NDEL1: variants seen among roughly 807,000 people sequenced by gnomAD.
NDEL1 encodes the protein nudE neurodevelopment protein 1 like 1, also known as nuclear distribution protein nudE-like 1.
A neutral mutation model predicts 45.7 loss-of-function variants in NDEL1; 9 were observed. The ratio of observed to expected loss-of-function variants is 0.20; its 90% CI spans 0.12 to 0.34. The LOEUF is 0.34. NDEL1 is among the 10% of genes least tolerant of loss of function. The probability of loss-of-function intolerance (pLI) is 1.00; values close to 1 mark genes in which losing one functional copy is unlikely to be tolerated. For synonymous variants in NDEL1, 133 were observed against 158.6 expected (o/e 0.84, Z 1.21); for missense variants, 306 against 406.2 (o/e 0.75, Z 2.12).
chr17:8,419,250 G>A (rs1239878631), intron 1 of NDEL1, among the ~76,000 whole-genome samples: 1 of 152,060 alleles, frequency 6.6e-6, no homozygotes, highest in Non-Finnish European at 1.5e-5. Context: ...TCTTCCCTTA[G>A]ATTATCAAAG....
At chr17:8,460,228 A>G (rs2151736599) in intron 8 of NDEL1, 68 bp downstream of exon 8, 1 of 1,515,994 alleles carries the variant, frequency 6.6e-7, no homozygotes, top group Admixed American at 2.1e-5. Flanking sequence ...AGTGAGCATA[A>G]TGAAGCCTTG....
rs192344814 is a variant in NDEL1 at position 8,452,065 on chromosome 17, G to A, written c.700+1112G>A. Among the ~76,000 whole-genome samples, 5 of 152,336 alleles carry A rather than the reference G, an allele frequency of 3.3e-5. No homozygotes were observed. In the East Asian group the frequency reaches 9.6e-4, roughly 29 times the overall value. On this transcript the variant is annotated intron_variant, in intron 6 of 8. Transcript: ENST00000334527. ...GATGATATCAGATAAGGTATGTGAA[G>A]GTGCTGTATGGTTGTAAGGTGTTAC...
At chr17:8,472,941 T>A (rs949952643), downstream of NDEL1, among the ~76,000 whole-genome samples, 3 of 152,196 alleles carry the variant, frequency 2.0e-5, no homozygotes, top group Non-Finnish European at 4.4e-5. Context: ...GATCTTCTGA[T>A]ACACTCAAAG....
At chr17:8,446,366 G>A (rs1910077996) in intron 3 of NDEL1, among the ~76,000 whole-genome samples, 1 of 152,178 alleles carries the variant, frequency 6.6e-6, no homozygotes, top group South Asian at 2.1e-4. Context: ...GGTATTTAGT[G>A]TCTGGGGAGT....
At chr17:8,474,097 CG>C (rs1912108405) in intron 3 of NDEL1, 1 of 152,488 alleles carries the variant, frequency 6.6e-6, no homozygotes, top group Non-Finnish European at 1.5e-5. Flanking sequence ...TGGGAGACAG[CG>C]CCCTCAGCAA....
At chr17:8,451,336 T>C (rs2151725498) in intron 6 of NDEL1, among the ~76,000 whole-genome samples, 2 of 152,352 alleles carry the variant, frequency 1.3e-5, no homozygotes, top group Admixed American at 1.3e-4. Context: ...TTTTTTTTTC[T>C]ATTGTGTGCT....
intron 1 of NDEL1, among the ~76,000 whole-genome samples, chr17:8,428,120 T>C (rs947874709): frequency 6.6e-6 from 1 of 152,152 alleles, no homozygotes; most frequent in Admixed American, 6.5e-5. Flanking sequence ...TAGATTAGTC[T>C]GCTTGCTTGT....
At chr17:8,438,619 G>C (rs1026525186) in intron 1 of NDEL1, among the ~76,000 whole-genome samples, 1 of 151,746 alleles carries the variant, frequency 6.6e-6, no homozygotes, top group African/African-American at 2.4e-5. Context: ...GGACTCAAGC[G>C]ATCCTCCCAC....
Position 8,450,943 on chromosome 17 carries a change from T to C in NDEL1, c.690T>C (p.Pro230=). ...GCAAAGGAACGGAGAACACTTTTCC[T>C]TCACCGAAAGGTTTGTAATGTCTTT... is the stretch of plus-strand genomic sequence containing the variant. ...PVGKGTENTF[P]SPKAIPNGFG... Residue 230 remains proline, a synonymous_variant, in exon 6 of 9, where the codon CCT becomes CCC. Transcript: ENST00000334527. The C allele has an allele frequency of 6.2e-7, 1 of 1,609,530 alleles. No homozygotes were observed. Among genetic ancestry groups the C allele is most frequent in the African/African-American group, 1.3e-5 (1 of 74,672 alleles).
chr17:8,443,054 C>T (rs1296623664), intron 1 of NDEL1, among the ~76,000 whole-genome samples: 2 of 152,210 alleles, frequency 1.3e-5, no homozygotes, highest in Non-Finnish European at 2.9e-5. Context: ...GCTGGGATTA[C>T]AGGCATGAGC....
rs1250413257 is a variant in NDEL1, at chr17:8,435,987, C to G, written c.-71C>G. On this transcript the variant is annotated 5_prime_UTR_variant, in exon 1 of 9. Coordinates refer to ENST00000334527, the MANE Select transcript of NDEL1 (RefSeq NM_030808.5). ...GAGCGGCTGGGCGGGCCTGGCCGGG[C>G]CGGCGGAGGGGAGACGTCGGTTGAG... The G allele has an allele frequency of 2.2e-6, 1 of 448,116 alleles. No individual in the cohort carries two copies. 27.8% of individuals were successfully genotyped at this position (448,116 alleles called of 1,614,324 possible).
Position 8,448,061 on chromosome 17 carries a change from T to A in NDEL1, c.390-489T>A, listed in dbSNP as rs1169518988. Among the ~76,000 whole-genome samples the A allele has an allele frequency of 2.6e-5, 4 of 152,198 alleles. No homozygotes were observed. The South Asian group carries it at 6.2e-4, about 24-fold the overall frequency. On this transcript the variant is annotated intron_variant, in intron 4 of 8. Transcript: ENST00000334527. ...ACACCCTATGCAAATGTCTGAGTGG[T>A]TGCAGAAAGCAAAGGGAATAGCTTC...
intron 7 of NDEL1, among the ~76,000 whole-genome samples, chr17:8,455,121 C>T (rs1020377444): frequency 5.3e-5 from 8 of 152,174 alleles, no homozygotes; most frequent in African/African-American, 1.9e-4. Flanking sequence ...TTCCTGTTCC[C>T]CACTCCTGTT....
chr17:8,454,331 G>A (rs1424831944), intron 6 of NDEL1, among the ~76,000 whole-genome samples: 1 of 151,420 alleles, frequency 6.6e-6, no homozygotes, highest in Non-Finnish European at 1.5e-5. Flanking sequence ...AGATTCAAAT[G>A]ACTAGTTACT....
rs111333617 is a variant in NDEL1 at position 8,415,427 on chromosome 17, C to CATTTATTTATTTATTTATTTATTTATTT, written c.-13+2183_-13+2184insTTTATTTATTTATTTATTTATTTATTTA. ...TTTTTTTGCCACTTTATAGTTTTAA[C>CATTTATTTATTTATTTATTTATTTATTT]ATTTATTTATTTATTTATTTATTTA... On this transcript the variant is annotated intron_variant, in intron 1 of 4. Coordinates refer to the NDEL1 transcript ENST00000582812. Among the ~76,000 whole-genome samples the CATTTATTTATTTATTTATTTATTTATTT allele has an allele frequency of 6.4e-4, 95 of 148,146 alleles. 2 individuals carry two copies. The highest frequency in any genetic ancestry group is 2.2e-3 in the African/African-American group (89 of 39,864).
intron 1 of NDEL1, among the ~76,000 whole-genome samples, chr17:8,439,054 G>A (rs915609952): frequency 1.3e-5 from 2 of 149,774 alleles, no homozygotes; most frequent in African/African-American, 4.9e-5. Context: ...CCATTCTCCT[G>A]CCTCAGCCTC....
intron 1 of NDEL1, among the ~76,000 whole-genome samples, chr17:8,417,076 C>T (rs1908561976): frequency 6.6e-6 from 1 of 152,076 alleles, no homozygotes; most frequent in South Asian, 2.1e-4. Context: ...TGCATTGTGT[C>T]TATTGCTGCT....
In NDEL1 at chr17:8,446,879, C is replaced by T. The variant is rs764317822; in HGVS notation, c.366C>T (p.Asn122=). Reference sequence around the variant, plus strand: ...ATGTGAGAGAGCTGGAGCAGGCCAACGACGACCTGGAGCGAGCCAAAAGGT... The same window carrying T: ...ATGTGAGAGAGCTGGAGCAGGCCAATGACGACCTGGAGCGAGCCAAAAGGT... ...HKYVRELEQA[N]DDLERAKRAT... is the part of the protein sequence containing the mutation. The change falls in exon 4 of 9, where the codon AAC becomes AAT. Residue 122 remains asparagine, a synonymous_variant. Transcript: ENST00000334527. The T allele has an allele frequency of 1.4e-5, 23 of 1,614,000 alleles. No homozygotes were observed. The highest frequency in any genetic ancestry group is 6.7e-5 in the Admixed American group (4 of 59,990).
chr17:8,472,650 G>A (rs1376608615), downstream of NDEL1, among the ~76,000 whole-genome samples: 3 of 152,004 alleles, frequency 2.0e-5, no homozygotes, highest in East Asian at 1.9e-4. Flanking sequence ...GAGACAGAGC[G>A]CGACTCTGTC....
Sources: gnomAD v4.1 joint callset for allele counts (sites outside exome capture counted in the v4.1 genomes callset) on GRCh38, gnomAD v4.1.1 for gene constraint, MANE v1.5 for transcripts, NCBI Gene and HGNC (gene_info 2026-07-23, HGNC 2026-07-21) for gene names.